The following DYM variants were observed in gnomAD, a reference collection of about 807,000 sequenced individuals.
DYM encodes the protein dymeclin.
In DYM, 78 loss-of-function variants were observed where a neutral mutation model predicts 93.1. The ratio of observed to expected loss-of-function variants is 0.84; its 90% confidence interval spans 0.70 to 1.01. DYM has a LOEUF of 1.01. Ranked by LOEUF, DYM falls within the 50% of genes least tolerant of loss-of-function variation. DYM has a pLI of 0.00. For synonymous variants in DYM, 321 were observed against 319.7 expected (o/e 1.00, Z -0.04); for missense variants, 789 against 845.0 (o/e 0.93, Z 0.82).
At chr18:49,321,378 C>A in intron 8 of DYM, 1 of 398,196 alleles carries the variant, frequency 2.5e-6, no homozygotes, top group Non-Finnish European at 4.4e-6. Flanking sequence ...CCCTTCAAAT[C>A]TGTTAACAAG....
chr18:49,396,817 A>C (rs996531866), intron 2 of DYM, among the ~76,000 whole-genome samples: 5 of 152,220 alleles, frequency 3.3e-5, no homozygotes, highest in African/African-American at 9.6e-5. Context: ...AGTCAAGCAC[A>C]AAAGACGAAT....
Position 49,424,628 on chromosome 18 carries a change from G to A in DYM, c.140+5627C>T, listed in dbSNP as rs553423001. Among the ~76,000 whole-genome samples the A allele has an allele frequency of 1.7e-3, 266 of 152,242 alleles. 2 individuals are homozygous for A. The highest frequency in any genetic ancestry group is 0.01 in the Middle Eastern group (3 of 292). On this transcript the variant is annotated intron_variant, in intron 2 of 17. Transcript: ENST00000675505. ...AATTATCTCTGCAGATGATGTGATT[G>A]TATATTTAGAAAACTCCATCAACTC...
chr18:49,147,908 G>T (rs1212849403), intron 15 of DYM, among the ~76,000 whole-genome samples: 1 of 152,184 alleles, frequency 6.6e-6, no homozygotes, highest in Non-Finnish European at 1.5e-5. Flanking sequence ...GTTTATTGCG[G>T]CACTATTCAC....
intron 3 of DYM, among the ~76,000 whole-genome samples, chr18:49,387,732 C>T (rs1380199525): frequency 1.3e-5 from 2 of 152,034 alleles, no homozygotes; most frequent in African/African-American, 2.4e-5. Context: ...ATAATGTAAA[C>T]ATAACATTTA....
intron 6 of DYM, among the ~76,000 whole-genome samples, chr18:49,355,177 T>C (rs976433815): frequency 6.6e-6 from 1 of 151,988 alleles, no homozygotes; most frequent in Admixed American, 6.6e-5. Flanking sequence ...GATCAACACA[T>C]TGATACATTG....
At chr18:49,081,583 T>G (rs2078043569) in intron 17 of DYM, among the ~76,000 whole-genome samples, 1 of 149,388 alleles carries the variant, frequency 6.7e-6, no homozygotes, top group Admixed American at 6.6e-5. Context: ...GCTGTAGAGA[T>G]TCTTGTCTGG....
chr18:49,449,197 A>G (rs532772435), intron 1 of DYM, among the ~76,000 whole-genome samples: 1 of 152,336 alleles, frequency 6.6e-6, no homozygotes, highest in African/African-American at 2.4e-5. Flanking sequence ...GAAGACCCTG[A>G]TAGGTATATA....
chr18:49,202,405 C>T (rs913839198), intron 14 of DYM, among the ~76,000 whole-genome samples: 6 of 149,730 alleles, frequency 4.0e-5, no homozygotes, highest in East Asian at 2.0e-4. Context: ...AGCCTCTGCC[C>T]GGCCGCCACC....
At chr18:49,286,915 G>A (rs986156527) in intron 8 of DYM, among the ~76,000 whole-genome samples, 3 of 152,058 alleles carry the variant, frequency 2.0e-5, no homozygotes, top group African/African-American at 7.2e-5. Context: ...AATGCAAGCC[G>A]GGTGCAGTGG....
chr18:49,081,206 T>G (rs535478144), intron 17 of DYM, among the ~76,000 whole-genome samples: 75 of 150,364 alleles, frequency 5.0e-4, no homozygotes, highest in African/African-American at 1.8e-3. Flanking sequence ...CACTCCAGCC[T>G]GGGCACCATT....
intron 5 of DYM, among the ~76,000 whole-genome samples, chr18:49,374,778 G>T (rs2067336197): frequency 6.6e-6 from 1 of 152,118 alleles, no homozygotes; most frequent in Admixed American, 6.6e-5. Context: ...GACCAACATG[G>T]TGAAACCCCT....
At chr18:49,453,104 A>G (rs2148713432) in intron 1 of DYM, among the ~76,000 whole-genome samples, 1 of 134,302 alleles carries the variant, frequency 7.4e-6, no homozygotes, top group Admixed American at 7.3e-5. Flanking sequence ...TGTCTAGCTC[A>G]AGGTTTGTAA....
At chr18:49,309,675 T>G (rs867578694) in intron 8 of DYM, among the ~76,000 whole-genome samples, 1 of 152,224 alleles carries the variant, frequency 6.6e-6, no homozygotes, top group African/African-American at 2.4e-5. Flanking sequence ...TTGTAATGTA[T>G]AAACCATAGA....
At chr18:49,311,995 T>C (rs998738336) in intron 8 of DYM, among the ~76,000 whole-genome samples, 6 of 152,178 alleles carry the variant, frequency 3.9e-5, no homozygotes, top group Non-Finnish European at 5.9e-5. Flanking sequence ...AAGACATTTA[T>C]ATTTTCCTGG....
chr18:49,416,062 G>A (rs939937150), intron 2 of DYM, among the ~76,000 whole-genome samples: 21 of 152,188 alleles, frequency 1.4e-4, no homozygotes, highest in South Asian at 4.2e-4. Flanking sequence ...AAGATAAAGC[G>A]GTCATCAGAA....
intron 1 of DYM, among the ~76,000 whole-genome samples, chr18:49,459,824 A>G (rs1481543309): frequency 6.6e-6 from 1 of 151,584 alleles, no homozygotes; most frequent in Non-Finnish European, 1.5e-5. Context: ...TCAAAACACA[A>G]TTGCTCAGGC....
At chr18:49,160,001 A>G (rs1350257931) in intron 15 of DYM, among the ~76,000 whole-genome samples, 1 of 152,124 alleles carries the variant, frequency 6.6e-6, no homozygotes, top group Non-Finnish European at 1.5e-5. Context: ...AACTTCTCTG[A>G]AAGTTCAGTT....
At chr18:49,109,811 T>A (rs1363294775) in intron 16 of DYM, among the ~76,000 whole-genome samples, 1 of 152,222 alleles carries the variant, frequency 6.6e-6, no homozygotes, top group Non-Finnish European at 1.5e-5. Context: ...GATACAAATA[T>A]CTTTGAAAAG....
At chr18:49,065,580 T>C (rs1667758982) in intron 17 of DYM, among the ~76,000 whole-genome samples, 1 of 152,150 alleles carries the variant, frequency 6.6e-6, no homozygotes, top group Non-Finnish European at 1.5e-5. Context: ...CAAGCTGGTC[T>C]CAAACTCCTG....
Sources: allele counts gnomAD v4.1 joint callset (sites outside exome capture counted in the v4.1 genomes callset), GRCh38; gene constraint gnomAD v4.1.1; transcripts MANE v1.5; gene names NCBI Gene and HGNC (gene_info 2026-07-23, HGNC 2026-07-21).